Variants in IFT80 observed in about 807,000 individuals in gnomAD.
IFT80 encodes the protein intraflagellar transport 80.
In IFT80, 79 loss-of-function variants were observed where a neutral mutation model predicts 107.9. The ratio of observed to expected loss-of-function variants is 0.73; its 90% CI spans 0.61 to 0.88. The LOEUF is 0.88. Among genes scored for constraint, IFT80 ranks in the 40% least tolerant of loss-of-function variants. IFT80 has a pLI of 0.00. For synonymous variants in IFT80, 299 were observed against 300.9 expected, an observed-to-expected ratio of 0.99 and a Z score of 0.07; for missense variants, 797 against 914.2, an observed-to-expected ratio of 0.87 and a Z score of 1.65.
intron 1 of IFT80, among the ~76,000 whole-genome samples, chr3:160,387,921 G>C (rs1713066113): frequency 6.6e-6 from 1 of 152,162 alleles, no homozygotes; most frequent in African/African-American, 2.4e-5. Flanking sequence ...CTAGCAAAAA[G>C]AAGTGGAGAT....
At chr3:160,394,040 A>G (rs1381943713) in intron 1 of IFT80, 1 of 152,246 alleles carries the variant, frequency 6.6e-6, no homozygotes, top group Admixed American at 6.5e-5. Flanking sequence ...TCTCCAATAG[A>G]GAAAGAAGAA....
chr3:160,342,556 C>T (rs918843961), intron 8 of IFT80: 7 of 152,160 alleles, frequency 4.6e-5, no homozygotes, highest in Non-Finnish European at 1.0e-4. Flanking sequence ...GCCAACCTCA[C>T]CCTTCTCTTT....
intron 11 of IFT80, among the ~76,000 whole-genome samples, chr3:160,301,375 T>C (rs970401671): frequency 1.3e-5 from 2 of 151,924 alleles, no homozygotes; most frequent in Non-Finnish European, 2.9e-5. Flanking sequence ...ACAAAGGCAA[T>C]CAAAAAATCG....
rs577547019 is a variant in IFT80, at chr3:160,307,570, T to C, written c.1076+93A>G. 3.7e-6 allele frequency: 3 copies of C among 807,688 alleles called. No homozygotes were observed. The East Asian group carries it at 7.3e-5, about 20-fold the overall frequency. 50.0% of individuals were successfully genotyped at this position (807,688 alleles called of 1,614,324 possible). ...GCTGAGGTTTTGAGAAAGTTAAGCT[T>C]AAACCAAACCACGCTGATGTGAAAT... On this transcript the variant is annotated intron_variant, in intron 10 of 19. Transcript: ENST00000326448.
intron 1 of IFT80, 109 bp from the exon 2 acceptor site, chr3:160,384,755 G>A: frequency 2.7e-6 from 2 of 753,122 alleles, no homozygotes; most frequent in Middle Eastern, 2.5e-4. Flanking sequence ...AGCACCTTCA[G>A]TCCTTCTGAC....
chr3:160,350,232 T>C (rs947019917), intron 8 of IFT80, among the ~76,000 whole-genome samples: 2 of 151,348 alleles, frequency 1.3e-5, no homozygotes, highest in African/African-American at 4.9e-5. Context: ...CTGGGCAATA[T>C]GGTGAAACCC....
Position 160,322,862 on chromosome 3 carries a change from T to C in IFT80, c.778-2923A>G, listed in dbSNP as rs1215676677. Reference sequence around the variant, plus strand: ...TTGAGAAGTGTCTGTTCATATCCTTTCCCCACTTTTTGATGGGGTTGTTTG... The same window carrying C: ...TTGAGAAGTGTCTGTTCATATCCTTCCCCCACTTTTTGATGGGGTTGTTTG... On this transcript the variant is annotated intron_variant, in intron 8 of 19. Transcript: ENST00000326448. Among the ~76,000 whole-genome samples the C allele has an allele frequency of 4.6e-5, 7 of 152,308 alleles. No homozygotes were observed. In the South Asian group the frequency reaches 1.2e-3, roughly 27 times the overall value.
At chr3:160,361,187 A>G (rs1721463613) in intron 6 of IFT80, among the ~76,000 whole-genome samples, 1 of 152,204 alleles carries the variant, frequency 6.6e-6, no homozygotes, top group African/African-American at 2.4e-5. Flanking sequence ...AGGAAGATCT[A>G]CCAGGCAAAT....
Position 160,285,887 on chromosome 3 carries a change from A to G in IFT80, c.1316-19T>C. 1 of 1,569,844 alleles carries G rather than the reference A, an allele frequency of 6.4e-7. No homozygotes were observed. The highest frequency in any genetic ancestry group is 8.8e-7 in the Non-Finnish European group (1 of 1,140,900). ...AAGATTACTTGAAAAAAAGTAGAAC[A>G]TTAATTAATGTGTTATATTAGAATT... On this transcript the variant is annotated intron_variant, in intron 12 of 19. Coordinates refer to ENST00000326448, the MANE Select transcript of IFT80 (RefSeq NM_020800.3).
intron 5 of IFT80, among the ~76,000 whole-genome samples, chr3:160,368,790 T>C (rs968376207): frequency 2.8e-5 from 3 of 107,134 alleles, no homozygotes; most frequent in African/African-American, 1.1e-4. Context: ...TACAAAAAAG[T>C]AAATTAATGT....
At chr3:160,295,093 G>C (rs1715868767) in intron 12 of IFT80, among the ~76,000 whole-genome samples, 1 of 152,136 alleles carries the variant, frequency 6.6e-6, no homozygotes, top group African/African-American at 2.4e-5. Flanking sequence ...CAGAACATAT[G>C]TTTGGGTCAA....
At chr3:160,383,382 ATC>A (rs1442811542) in intron 2 of IFT80, 1 of 789,884 alleles carries the variant, frequency 1.3e-6, no homozygotes, top group Non-Finnish European at 1.5e-6. Flanking sequence ...AAATAATTAC[ATC>A]TTCACTTAAT....
In IFT80 at chr3:160,381,507, A is replaced by C. The variant is rs1712516645; in HGVS notation, c.255T>G (p.Ser85=). Reference sequence around the variant, plus strand: ...TAATGTTTATTTAAAACTTACCATCAGAACTTGTGAGGACAAAGCTTTCTG... The same window carrying C: ...TAATGTTTATTTAAAACTTACCATCCGAACTTGTGAGGACAAAGCTTTCTG... The part of the protein sequence containing the change: ...TQAESFVLTS[S]DGKFHLISKL... The change falls in exon 3 of 20, where the codon TCT becomes TCG. Residue 85 remains serine (S), a synonymous_variant. Coordinates refer to ENST00000326448, the MANE Select transcript of IFT80 (RefSeq NM_020800.3). 2 of 1,610,668 alleles carry C rather than the reference A, an allele frequency of 1.2e-6. No individual in the cohort carries two copies. The highest frequency in any genetic ancestry group is 1.7e-6 in the Non-Finnish European group (2 of 1,176,928).
chr3:160,317,970 G>A (rs1384717927), intron 9 of IFT80, among the ~76,000 whole-genome samples: 1 of 151,568 alleles, frequency 6.6e-6, no homozygotes, highest in East Asian at 1.9e-4. Flanking sequence ...ATAATATTAA[G>A]AAATTATTAT....
chr3:160,386,937 G>C (rs1404563047), intron 1 of IFT80, among the ~76,000 whole-genome samples: 1 of 152,152 alleles, frequency 6.6e-6, no homozygotes. Flanking sequence ...GAACCAAGAA[G>C]CCAGTGGAGA....
At chr3:160,360,454 T>G (rs1047883445) in intron 6 of IFT80, among the ~76,000 whole-genome samples, 14 of 152,166 alleles carry the variant, frequency 9.2e-5, no homozygotes, top group Admixed American at 4.6e-4. Context: ...CCAAGAGAAC[T>G]TCCCCAACCT....
At chr3:160,348,074 A>G (rs75624374) in intron 8 of IFT80, among the ~76,000 whole-genome samples, 5,400 of 152,304 alleles carry the variant, frequency 0.035, 122 homozygotes, top group East Asian at 0.083. Context: ...TTAGGTCATT[A>G]TTAATCTTTT....
chr3:160,373,196 C>T lies in IFT80; in HGVS notation c.439+2616G>A, dbSNP rs1023415192. ...GTGCTGGGATTACAGGAGTGAGCCA[C>T]GATGCCTGGCCAAAATGTCCTGATT... is the stretch of plus-strand genomic sequence containing the variant. On this transcript the variant is annotated intron_variant, in intron 5 of 19. Coordinates refer to ENST00000326448, the MANE Select transcript of IFT80 (RefSeq NM_020800.3). 4.6e-5 allele frequency among the ~76,000 whole-genome samples: 7 copies of T among 152,116 alleles called. 1 individual carries two copies. In the South Asian group the frequency reaches 1.0e-3, roughly 23 times the overall value.
intron 9 of IFT80, among the ~76,000 whole-genome samples, chr3:160,315,008 A>G (rs1333726116): frequency 2.8e-5 from 4 of 144,342 alleles, no homozygotes; most frequent in Non-Finnish European, 4.6e-5. Context: ...GAAGAGCTTC[A>G]ATATTTAAAG....
Sources: allele counts gnomAD v4.1 joint callset (sites outside exome capture counted in the v4.1 genomes callset), GRCh38; gene constraint gnomAD v4.1.1; transcripts MANE v1.5; gene names NCBI Gene and HGNC (gene_info 2026-07-23, HGNC 2026-07-21).